TELO2: variants seen among roughly 807,000 people sequenced by gnomAD.
The protein encoded by TELO2 is telomere maintenance 2.
Under a neutral mutation model 91.0 loss-of-function variants are expected in TELO2, and 71 were observed. That is an observed-to-expected ratio of 0.78 (90% confidence interval 0.64 to 0.95). The LOEUF (loss-of-function observed/expected upper bound fraction) is 0.95. TELO2 is among the 40% of genes least tolerant of loss of function. The pLI is 0.00. For missense variants in TELO2, 1,183 were observed against 1,141.3 expected (o/e 1.04, Z -0.53); for synonymous variants, 584 against 518.9 (o/e 1.13, Z -1.71).
intron 3 of TELO2, among the ~76,000 whole-genome samples, chr16:1,495,832 C>T (rs1596249952): frequency 6.6e-6 from 1 of 152,230 alleles, no homozygotes; most frequent in Admixed American, 6.5e-5. Flanking sequence ...GCGGGCTTCT[C>T]TTGTCCCTGC....
intron 20 of TELO2, 43 bp downstream of exon 20, chr16:1,507,759 C>A: frequency 7.2e-7 from 1 of 1,389,676 alleles, no homozygotes; most frequent in Non-Finnish European, 9.5e-7. Context: ...GTGTGTCGGC[C>A]CGGGGTGTGT....
intron 10 of TELO2, 66 bp from the exon 11 acceptor site, chr16:1,501,597 C>A (rs1157833777): frequency 6.4e-7 from 1 of 1,569,192 alleles, no homozygotes; most frequent in African/African-American, 1.4e-5. Flanking sequence ...TCTTTCTGTC[C>A]TGTGAGTCCT....
rs376133041 is a variant in TELO2 at position 1,503,224 on chromosome 16, T to A, written c.1842+222T>A. On this transcript the variant is annotated intron_variant, in intron 15 of 20. Coordinates refer to ENST00000262319, the MANE Select transcript of TELO2 (RefSeq NM_016111.4). ...AAAATAACAGCTTTACTGATATAATTCACACGCCATAAAATTCACCGCTTT... is the reference window on the plus strand; with the variant it reads ...AAAATAACAGCTTTACTGATATAATACACACGCCATAAAATTCACCGCTTT... 2.6e-4 allele frequency among the ~76,000 whole-genome samples: 39 copies of A among 152,328 alleles called. 1 individual carries two copies. The highest frequency in any genetic ancestry group is 2.5e-3 in the East Asian group (13 of 5,184).
rs2039416393 is a variant in TELO2 at position 1,494,704 on chromosome 16, T to A, written c.335+88T>A. The A allele has an allele frequency of 5.3e-6, 7 of 1,328,466 alleles. No individual in the cohort carries two copies. The allele number at this position is 1,328,466 out of a possible 1,614,324, so 82.3% of individuals were successfully genotyped here. ...AGGACTGGACCAAGAGCCTCTCTAG[T>A]CCCTGTGAGGGGCTAGAGAGAGAGC... On this transcript the variant is annotated intron_variant, in intron 2 of 20. Transcript: ENST00000262319. The surrounding 1 kb of genome is among the most constrained non-coding windows in gnomAD (Gnocchi z 5.6).
intron 10 of TELO2, 68 bp downstream of exon 10, chr16:1,501,567 A>T (rs917190049): frequency 6.4e-7 from 1 of 1,565,516 alleles, no homozygotes; most frequent in East Asian, 2.3e-5. Flanking sequence ...CGCTGCCGGG[A>T]TGGGAGGGGG....
At chr16:1,501,811 G>T in intron 11 of TELO2, 38 bp downstream of exon 11, 1 of 1,586,132 alleles carries the variant, frequency 6.3e-7, no homozygotes. Flanking sequence ...GCGTGCAGGA[G>T]GCCGGGAGGC....
In TELO2 at chr16:1,496,947, C is replaced by T. The variant is rs58491270; in HGVS notation, c.614-89C>T. On this transcript the variant is annotated intron_variant, in intron 3 of 20. Coordinates refer to ENST00000262319, the MANE Select transcript of TELO2 (RefSeq NM_016111.4). ...GTGAGTTTTGCTGTCGGTTGGAGTC[C>T]GCCTGACCGAGAGCAGCTCTCCCCA... The T allele has an allele frequency of 0.014, 19,218 of 1,349,514 alleles. 1,120 individuals carry two copies. The African/African-American group carries it at 0.17, about 12-fold the overall frequency. 83.6% of individuals were successfully genotyped at this position (1,349,514 alleles called of 1,614,324 possible).
At chr16:1,501,959 C>A in intron 11 of TELO2, 88 bp from the exon 12 acceptor site, 1 of 1,568,016 alleles carries the variant, frequency 6.4e-7, no homozygotes, top group Non-Finnish European at 8.8e-7. Context: ...AGCTCCGCAT[C>A]TTGGGGAGGA....
Position 1,494,222 on chromosome 16 carries a change from C to A in TELO2, c.-36-24C>A. On this transcript the variant is annotated intron_variant, in intron 1 of 20. Transcript: ENST00000262319. The surrounding 1 kb of genome is among the most constrained non-coding windows in gnomAD (Gnocchi z 5.6). Reference sequence around the variant, plus strand: ...GTGTGGATTATTTCCGTGCCCCAAGCTGAGCCCTGTGTCCATGTCACAGGT... The same window carrying A: ...GTGTGGATTATTTCCGTGCCCCAAGATGAGCCCTGTGTCCATGTCACAGGT... The A allele has an allele frequency of 1.3e-6, 2 of 1,524,126 alleles. No individual in the cohort carries two copies. The highest frequency in any genetic ancestry group is 1.8e-6 in the Non-Finnish European group (2 of 1,115,668). 94.4% of individuals were successfully genotyped at this position (1,524,126 alleles called of 1,614,324 possible).
At chr16:1,504,778 C>T (rs1302645443) in intron 15 of TELO2, among the ~76,000 whole-genome samples, 1 of 151,796 alleles carries the variant, frequency 6.6e-6, no homozygotes, top group Non-Finnish European at 1.5e-5. Flanking sequence ...AGGATGGTCT[C>T]AATCTCCTGA....
In TELO2 at chr16:1,509,824, T is replaced by C. The variant is rs780422271; in HGVS notation, c.2408-6T>C. 11 of 1,609,706 alleles carry C rather than the reference T, an allele frequency of 6.8e-6. No individual in the cohort carries two copies. Among genetic ancestry groups the C allele is most frequent in the African/African-American group, 1.3e-5 (1 of 74,860 alleles). On this transcript the variant is annotated splice_polypyrimidine_tract_variant and splice_region_variant and intron_variant, in intron 20 of 20. Transcript: ENST00000262319. ...CTCAGCTTTGCTTGTCACTCTCGTC[T>C]GGCAGACGTGGCTGAGAAAGACCCG...
chr16:1,507,108 T>A, intron 18 of TELO2, 57 bp downstream of exon 18: 1 of 1,538,630 alleles, frequency 6.5e-7, no homozygotes, highest in Non-Finnish European at 8.8e-7. Flanking sequence ...TCAGGAGCGC[T>A]CCTCAGCCTC....
At position 1,501,502 on chromosome 16, in the gene TELO2, G is replaced by A; in HGVS notation, c.1361+3G>A. On this transcript the variant is annotated splice_donor_region_variant and intron_variant, in intron 10 of 20. Transcript: ENST00000262319. The stretch of plus-strand genomic sequence containing the variant: ...GGTGACGGCGCCTCGGAGGCGGGGT[G>A]AGGGTCTCTGCCCCCCGGGACCCCA... 1 of 1,606,392 alleles carries A rather than the reference G, an allele frequency of 6.2e-7. No homozygotes were observed. Among genetic ancestry groups the A allele is most frequent in the South Asian group, 1.1e-5 (1 of 90,422 alleles).
At chr16:1,509,335 GCCC>G (rs1307018772) in intron 20 of TELO2, among the ~76,000 whole-genome samples, 1 of 152,124 alleles carries the variant, frequency 6.6e-6, no homozygotes, top group Non-Finnish European at 1.5e-5. Context: ...GGCCAGCAGA[GCCC>G]CCCCAAGGCT....
rs866471578 is a variant in TELO2, at chr16:1,507,770, G to A, written c.2407+54G>A. ...AGATGTGTGTCGGCCCGGGGTGTGT[G>A]TGTATGTGTGTGTGTGTGTGTGAGA... On this transcript the variant is annotated intron_variant, in intron 20 of 20. Transcript: ENST00000262319. The A allele has an allele frequency of 3.4e-5, 46 of 1,355,436 alleles. No individual in the cohort carries two copies. In the South Asian group the frequency reaches 4.8e-4, roughly 14 times the overall value. 84.0% of individuals were successfully genotyped at this position (1,355,436 alleles called of 1,614,324 possible).
Position 1,509,859 on chromosome 16 carries a change from T to C in TELO2, c.2437T>C (p.Cys813Arg). 4 of 1,612,584 alleles carry C rather than the reference T, an allele frequency of 2.5e-6. No homozygotes were observed. Among genetic ancestry groups the C allele is most frequent in the Non-Finnish European group, 3.4e-6 (4 of 1,179,746 alleles). ...DVAEKDPDED[C>R]RTLALRALLL... ...GGCTGAGAAAGACCCGGACGAGGAC[T>C]GCAGGACGCTGGCACTGAGGGCCCT... Residue 813 changes from cysteine (C) to arginine (R), a missense_variant, in exon 21 of 21, where the codon TGC becomes CGC. Physicochemically the swap from Cys to Arg is radical, Grantham distance 180. Coordinates refer to ENST00000262319, the MANE Select transcript of TELO2 (RefSeq NM_016111.4).
chr16:1,502,198 C>G, intron 12 of TELO2, 63 bp downstream of exon 12: 8 of 1,600,098 alleles, frequency 5.0e-6, no homozygotes, highest in Non-Finnish European at 6.8e-6. Flanking sequence ...CAGCCTGGTT[C>G]TGCCTCAAGG....
In TELO2 at chr16:1,509,874, C is replaced by G. The variant is rs1445130570; in HGVS notation, c.2452C>G (p.Leu818Val). ...DPDEDCRTLA[L>V]RALLLLQRLK... ...GGACGAGGACTGCAGGACGCTGGCACTGAGGGCCCTGCTGCTTCTGCAGAG... is the reference window on the plus strand; with the variant it reads ...GGACGAGGACTGCAGGACGCTGGCAGTGAGGGCCCTGCTGCTTCTGCAGAG... Residue 818 changes from leucine to valine, a missense_variant, in exon 21 of 21, where the codon CTG (leucine) becomes GTG (valine). Physicochemically the swap from Leu to Val is conservative, Grantham distance 32. Transcript: ENST00000262319. 6.2e-7 allele frequency: 1 copy of G among 1,612,466 alleles called. No individual in the cohort carries two copies. The highest frequency in any genetic ancestry group is 8.5e-7 in the Non-Finnish European group (1 of 1,179,670).
rs1186235366 is a variant in TELO2, at chr16:1,497,145, C to T, written c.682+41C>T. 1 of 1,610,472 alleles carries T rather than the reference C, an allele frequency of 6.2e-7. No homozygotes were observed. Among genetic ancestry groups the T allele is most frequent in the African/African-American group, 1.3e-5 (1 of 74,848 alleles). Reference sequence around the variant, plus strand: ...CCTTCCTGCCCATCCTGCCCCGACCCTCACAGCCCATCAGCCTTCTGCAGA... The same window carrying T: ...CCTTCCTGCCCATCCTGCCCCGACCTTCACAGCCCATCAGCCTTCTGCAGA... On this transcript the variant is annotated intron_variant, in intron 4 of 20. Coordinates refer to ENST00000262319, the MANE Select transcript of TELO2 (RefSeq NM_016111.4). The surrounding 1 kb of genome is among the most constrained non-coding windows in gnomAD (Gnocchi z 4.0).
Sources: gnomAD v4.1 joint callset for allele counts (sites outside exome capture counted in the v4.1 genomes callset) on GRCh38, gnomAD v4.1.1 for gene constraint, Gnocchi (gnomAD v3.1) non-coding constraint, MANE v1.5 for transcripts, NCBI Gene and HGNC (gene_info 2026-07-23, HGNC 2026-07-21) for gene names.